Variants in TMEM131 observed in about 807,000 individuals in gnomAD.
TMEM131 encodes transmembrane protein 131.
A neutral mutation model predicts 211.6 loss-of-function variants in TMEM131; 66 were observed. That is an observed-to-expected ratio of 0.31 (90% CI 0.26 to 0.38). The LOEUF is 0.38. Among genes scored for constraint, TMEM131 ranks in the 10% least tolerant of loss-of-function variants. The pLI, the probability that TMEM131 is intolerant of heterozygous loss-of-function variation, is 1.00. For missense variants in TMEM131, 2,036 were observed against 2,299.3 expected (o/e 0.89, Z 2.34); for synonymous variants, 844 against 841.3 (o/e 1.00, Z -0.06).
chr2:97,795,209 C>G, intron 28 of TMEM131, 94 bp from the exon 29 acceptor site: 1 of 877,390 alleles, frequency 1.1e-6, no homozygotes, highest in Non-Finnish European at 1.7e-6. Context: ...TGAAATATAA[C>G]ACAGAATTTG....
intron 4 of TMEM131, among the ~76,000 whole-genome samples, chr2:97,864,550 A>T (rs934279802): frequency 3.1e-4 from 47 of 152,336 alleles, no homozygotes; most frequent in African/African-American, 1.1e-3. Context: ...AAAAAAAAGC[A>T]ACAAATTAAT....
intron 12 of TMEM131, among the ~76,000 whole-genome samples, chr2:97,816,755 C>T (rs1466458000): frequency 6.6e-6 from 1 of 152,138 alleles, no homozygotes; most frequent in Non-Finnish European, 1.5e-5. Flanking sequence ...TTGTATCATA[C>T]ATAGCAAATA....
At chr2:97,770,204 G>A (rs1490504839) in intron 33 of TMEM131, among the ~76,000 whole-genome samples, 4 of 152,064 alleles carry the variant, frequency 2.6e-5, no homozygotes, top group Admixed American at 2.6e-4. Flanking sequence ...TCACAGAATG[G>A]CTCTGTTCAG....
chr2:97,835,842 T>C (rs2105073112), intron 8 of TMEM131, among the ~76,000 whole-genome samples: 1 of 152,316 alleles, frequency 6.6e-6, no homozygotes, highest in East Asian at 1.9e-4. Context: ...TTTCTCAGTC[T>C]AGGTTTGTAG....
At chr2:97,967,893 GT>G (rs376573578) in intron 1 of TMEM131, among the ~76,000 whole-genome samples, 103 of 142,792 alleles carry the variant, frequency 7.2e-4, no homozygotes, top group African/African-American at 1.4e-3. Context: ...TTTTTAGGTT[GT>G]TTTTTTTTTT....
chr2:97,933,064 T>C (rs1019237772), intron 1 of TMEM131, among the ~76,000 whole-genome samples: 7 of 152,180 alleles, frequency 4.6e-5, no homozygotes, highest in African/African-American at 1.4e-4. Context: ...CTAGGAGCAA[T>C]AGGCTGTATC....
intron 36 of TMEM131, 197 bp downstream of exon 36, chr2:97,761,838 C>T (rs771018882): frequency 4.2e-5 from 23 of 548,942 alleles, no homozygotes; most frequent in African/African-American, 5.8e-5. Flanking sequence ...GAATGGGAAC[C>T]GGGTTACTGT....
chr2:97,760,943 T>C (rs1223226035), intron 36 of TMEM131, 29 bp from the exon 37 acceptor site: 1 of 1,612,960 alleles, frequency 6.2e-7, no homozygotes, highest in Non-Finnish European at 8.5e-7. Context: ...AGAGAACTCA[T>C]TCCTCATCAG....
chr2:97,949,768 C>T (rs1050222929), intron 1 of TMEM131, among the ~76,000 whole-genome samples: 4 of 135,532 alleles, frequency 3.0e-5, no homozygotes, highest in Admixed American at 8.4e-5. Flanking sequence ...TGCAGTGAGC[C>T]GAGACCATGC....
chr2:97,825,965 C>T (rs1295034561), intron 11 of TMEM131, among the ~76,000 whole-genome samples: 2 of 152,240 alleles, frequency 1.3e-5, no homozygotes, highest in Non-Finnish European at 2.9e-5. Context: ...CCTTGAGCAA[C>T]CGGTGCTTCA....
intron 4 of TMEM131, among the ~76,000 whole-genome samples, chr2:97,885,445 C>CGG (rs1675114259): frequency 6.6e-6 from 1 of 151,250 alleles, no homozygotes; most frequent in Non-Finnish European, 1.5e-5. Context: ...CCGCCCGCCT[C>CGG]CCAAAGTGCT....
intron 11 of TMEM131, among the ~76,000 whole-genome samples, chr2:97,830,049 T>C (rs1252361798): frequency 6.9e-6 from 1 of 144,898 alleles, no homozygotes; most frequent in Non-Finnish European, 1.5e-5. Flanking sequence ...TACCTTAAAA[T>C]ACGCTGCAGT....
intron 1 of TMEM131, among the ~76,000 whole-genome samples, chr2:97,949,406 A>G (rs992360973): frequency 2.6e-5 from 4 of 152,228 alleles, no homozygotes; most frequent in African/African-American, 9.7e-5. Flanking sequence ...TAGAGAGTGC[A>G]CACGTTCACA....
At chr2:97,991,326 T>C (rs962449644) in intron 1 of TMEM131, among the ~76,000 whole-genome samples, 1 of 152,158 alleles carries the variant, frequency 6.6e-6, no homozygotes, top group Non-Finnish European at 1.5e-5. Context: ...AGAGGGAGCA[T>C]GCAGGACTGA....
At chr2:97,831,807 C>T (rs979473060) in intron 11 of TMEM131, among the ~76,000 whole-genome samples, 9 of 150,506 alleles carry the variant, frequency 6.0e-5, no homozygotes, top group African/African-American at 2.2e-4. Flanking sequence ...GCTGGTACTA[C>T]AGGCACATGC....
intron 4 of TMEM131, among the ~76,000 whole-genome samples, chr2:97,878,615 C>G (rs1033500979): frequency 6.6e-6 from 1 of 152,102 alleles, no homozygotes; most frequent in Non-Finnish European, 1.5e-5. Flanking sequence ...CCAAACACTG[C>G]ATGTTCTTAC....
At chr2:97,816,695 G>T (rs1307802835) in intron 12 of TMEM131, among the ~76,000 whole-genome samples, 1 of 152,068 alleles carries the variant, frequency 6.6e-6, no homozygotes, top group Non-Finnish European at 1.5e-5. Flanking sequence ...TTCACTATTT[G>T]TTCTGACGTA....
intron 2 of TMEM131, among the ~76,000 whole-genome samples, chr2:97,916,645 T>G (rs1414186391): frequency 2.0e-5 from 3 of 152,076 alleles, no homozygotes. Flanking sequence ...GAAAAATAAC[T>G]GAAAAAACAA....
chr2:97,846,539 T>C (rs917883265), intron 5 of TMEM131, among the ~76,000 whole-genome samples: 3 of 152,128 alleles, frequency 2.0e-5, no homozygotes, highest in African/African-American at 7.2e-5. Context: ...ACTCCCTCAA[T>C]ATTATAAAGA....
Sources: allele counts gnomAD v4.1 joint callset (sites outside exome capture counted in the v4.1 genomes callset), GRCh38; gene constraint gnomAD v4.1.1; transcripts MANE v1.5; gene names NCBI Gene and HGNC (gene_info 2026-07-23, HGNC 2026-07-21).